Variants in THNSL1 observed in about 807,000 individuals in gnomAD.
THNSL1 encodes threonine synthase-like 1.
A neutral mutation model predicts 50.4 loss-of-function variants in THNSL1; 48 were observed. The observed-to-expected ratio is 0.95, with a 90% confidence interval of 0.76 to 1.21. The LOEUF is 1.21. Among genes scored for constraint, THNSL1 ranks in the 50% most tolerant of loss-of-function variants. The pLI is 0.00. For missense variants in THNSL1, 896 were observed against 871.7 expected (o/e 1.03, Z -0.35); for synonymous variants, 309 against 306.1 (o/e 1.01, Z -0.10).
Position 25,023,985 on chromosome 10 carries a change from T to C in THNSL1, c.762T>C (p.Ala254=). 1 of 1,614,210 alleles carries C rather than the reference T, an allele frequency of 6.2e-7. No individual in the cohort carries two copies. Residue 254 remains alanine, a synonymous_variant, in exon 3 of 3, where the codon GCT becomes GCC. Transcript: ENST00000376356. Reference sequence around the variant, plus strand: ...TTTCAGCAAAATTCTTTAGTGAAGCTGTAATTGAGGGGTTGGCTTCTGATG... The same window carrying C: ...TTTCAGCAAAATTCTTTAGTGAAGCCGTAATTGAGGGGTTGGCTTCTGATG... ...QKVSAKFFSE[A]VIEGLASDGG...
At chr10:24,972,879 T>A in the THNSL1 span, among the ~76,000 whole-genome samples, 1 of 152,204 alleles carries the variant, frequency 6.6e-6, no homozygotes, top group Non-Finnish European at 1.5e-5. Context: ...CAGCAGGGAA[T>A]ACATTCTAAG....
At chr10:24,968,733 A>G in the THNSL1 span, among the ~76,000 whole-genome samples, 7 of 152,326 alleles carry the variant, frequency 4.6e-5, no homozygotes, top group East Asian at 1.3e-3. Context: ...AAAAAAGCAG[A>G]CCAATTGTTC....
the THNSL1 span, among the ~76,000 whole-genome samples, chr10:24,971,346 C>G: frequency 1.3e-5 from 2 of 151,336 alleles, no homozygotes; most frequent in African/African-American, 4.9e-5. Context: ...CTTAAGCAAT[C>G]CTTCCATCTA....
Position 25,020,460 on chromosome 10 carries a change from C to T in THNSL1, c.-215-1282C>T, listed in dbSNP as rs115873894. Reference sequence around the variant, plus strand: ...AAGCATGGTAGCAAGCAATATAAAGCGGAAGAAAAGATGAAAGATTTACTG... The same window carrying T: ...AAGCATGGTAGCAAGCAATATAAAGTGGAAGAAAAGATGAAAGATTTACTG... On this transcript the variant is annotated intron_variant, in intron 1 of 2. Coordinates refer to ENST00000376356, the MANE Select transcript of THNSL1 (RefSeq NM_024838.5). Among the ~76,000 whole-genome samples, 418 of 152,010 alleles carry T rather than the reference C, an allele frequency of 2.7e-3. 4 individuals are homozygous for T. Among genetic ancestry groups the T allele is most frequent in the African/African-American group, 9.7e-3 (403 of 41,472 alleles).
At chr10:25,009,326 G>C in the THNSL1 span, among the ~76,000 whole-genome samples, 2 of 152,050 alleles carry the variant, frequency 1.3e-5, no homozygotes, top group Non-Finnish European at 2.9e-5. Flanking sequence ...GAGTTGTAGA[G>C]AGAATTTTTA....
the THNSL1 span, among the ~76,000 whole-genome samples, chr10:24,972,540 T>C: frequency 6.6e-6 from 1 of 151,674 alleles, no homozygotes; most frequent in East Asian, 1.9e-4. Flanking sequence ...ATAATAATAA[T>C]TGCACTACTA....
At chr10:24,964,370 C>CTTTTCTCAT in the THNSL1 span, among the ~76,000 whole-genome samples, 1 of 152,088 alleles carries the variant, frequency 6.6e-6, no homozygotes, top group Non-Finnish European at 1.5e-5. Flanking sequence ...ATGGGAATAA[C>CTTTTCTCAT]GAGAGAAAAG....
the THNSL1 span, among the ~76,000 whole-genome samples, chr10:25,001,868 G>T: frequency 6.6e-6 from 1 of 151,944 alleles, no homozygotes; most frequent in Non-Finnish European, 1.5e-5. Flanking sequence ...GTTTTCTCTT[G>T]GTTATGCATT....
At chr10:24,967,995 A>ATG in the THNSL1 span, among the ~76,000 whole-genome samples, 8,159 of 139,676 alleles carry the variant, frequency 0.058, 272 homozygotes, top group Middle Eastern at 0.11. Flanking sequence ...TATGTGTATG[A>ATG]TGTGTGTGTG....
rs1275466371 is a variant in THNSL1, at chr10:25,021,780, A to G, written c.-177A>G. ...CAAAGATCGGTTTTGCCTCAGAGTC[A>G]ACAAACTCTTCAGATTGGTTCCGGT... is the stretch of plus-strand genomic sequence containing the variant. On this transcript the variant is annotated 5_prime_UTR_variant, in exon 2 of 3. Transcript: ENST00000376356. The G allele has an allele frequency of 2.0e-5, 3 of 152,202 alleles. No individual in the cohort carries two copies. The highest frequency in any genetic ancestry group is 7.2e-5 in the African/African-American group (3 of 41,466). The allele number at this position is 152,202 out of a possible 1,614,324, so 9.4% of individuals were successfully genotyped here.
chr10:25,003,836 C>T, the THNSL1 span, among the ~76,000 whole-genome samples: 9 of 152,196 alleles, frequency 5.9e-5, no homozygotes, highest in Admixed American at 3.9e-4. Context: ...CCACCCCCAG[C>T]CTCCGATAGG....
At chr10:24,959,198 G>C in the THNSL1 span, among the ~76,000 whole-genome samples, 1 of 152,200 alleles carries the variant, frequency 6.6e-6, no homozygotes, top group Non-Finnish European at 1.5e-5. Flanking sequence ...GGCCTCCTTA[G>C]TCAGCAGCAA....
intron 1 of THNSL1, 152 bp downstream of exon 1, chr10:25,016,844 C>T (rs1376790801): frequency 1.3e-5 from 2 of 152,630 alleles, no homozygotes; most frequent in Non-Finnish European, 2.9e-5. Context: ...GCTCCCATCG[C>T]ATGCCTTTCC....
chr10:24,955,291 G>A, the THNSL1 span, among the ~76,000 whole-genome samples: 30 of 152,238 alleles, frequency 2.0e-4, no homozygotes, highest in African/African-American at 6.0e-4. Flanking sequence ...CCCCAACACT[G>A]GGAATTACAA....
At chr10:25,018,983 G>A (rs1436946613) in intron 1 of THNSL1, among the ~76,000 whole-genome samples, 1 of 152,118 alleles carries the variant, frequency 6.6e-6, no homozygotes, top group Non-Finnish European at 1.5e-5. Flanking sequence ...TGGATTGTGT[G>A]GTCCTTCCAC....
intron 1 of THNSL1, among the ~76,000 whole-genome samples, chr10:25,019,271 G>A (rs1287226848): frequency 1.3e-5 from 2 of 152,136 alleles, no homozygotes; most frequent in Non-Finnish European, 1.5e-5. Context: ...CCCAGGAGTT[G>A]GAGACCAGCC....
At chr10:25,012,957 T>C (rs1392749695), upstream of THNSL1, among the ~76,000 whole-genome samples, 3 of 152,156 alleles carry the variant, frequency 2.0e-5, no homozygotes, top group Non-Finnish European at 2.9e-5. Context: ...CCATATGTCA[T>C]GGGAGGGATC....
the THNSL1 span, among the ~76,000 whole-genome samples, chr10:24,958,543 C>T: frequency 6.6e-6 from 1 of 152,188 alleles, no homozygotes; most frequent in East Asian, 1.9e-4. Context: ...GCAAAGGCCT[C>T]ATTAGTATTC....
chr10:25,003,583 C>T, the THNSL1 span, among the ~76,000 whole-genome samples: 2 of 152,092 alleles, frequency 1.3e-5, no homozygotes, highest in Non-Finnish European at 2.9e-5. Context: ...ACACATAAAT[C>T]TTATTCTTTC....
Sources: gnomAD v4.1 joint callset for allele counts (sites outside exome capture counted in the v4.1 genomes callset) on GRCh38, gnomAD v4.1.1 for gene constraint, MANE v1.5 for transcripts, NCBI Gene and HGNC (gene_info 2026-07-23, HGNC 2026-07-21) for gene names.